The following MAGI2 variants were observed in gnomAD, a reference collection of about 807,000 sequenced individuals.
The protein encoded by MAGI2 is membrane-associated guanylate kinase, WW and PDZ domain-containing protein 2.
A neutral mutation model predicts 133.3 loss-of-function variants in MAGI2; 35 were observed. The observed-to-expected ratio is 0.26, with a 90% CI of 0.20 to 0.35. MAGI2 has a LOEUF of 0.35. Among genes scored for constraint, MAGI2 ranks in the 10% least tolerant of loss-of-function variants. The pLI, the probability that MAGI2 is intolerant of heterozygous loss-of-function variation, is 1.00. For missense variants in MAGI2, 1,636 were observed against 1,863.4 expected (o/e 0.88, Z 2.25); for synonymous variants, 729 against 710.6 (o/e 1.03, Z -0.41).
At chr7:79,442,306 T>C (rs767276670) in intron 1 of MAGI2, among the ~76,000 whole-genome samples, 3 of 152,236 alleles carry the variant, frequency 2.0e-5, no homozygotes, top group African/African-American at 2.4e-5. Context: ...GATGGGTGAC[T>C]ATGCAAGCTT....
intron 2 of MAGI2, among the ~76,000 whole-genome samples, chr7:78,945,096 CCA>C (rs1393046145): frequency 6.6e-6 from 1 of 151,892 alleles, no homozygotes; most frequent in African/African-American, 2.4e-5. Flanking sequence ...GCTGTGTTCC[CCA>C]CACTGGAGTG....
intron 2 of MAGI2, among the ~76,000 whole-genome samples, chr7:78,664,964 A>G (rs1327924343): frequency 3.3e-5 from 5 of 152,108 alleles, no homozygotes; most frequent in African/African-American, 1.2e-4. Context: ...GATATAATAA[A>G]AACCCATGTG....
chr7:79,198,655 C>T (rs530799998), intron 1 of MAGI2, among the ~76,000 whole-genome samples: 1 of 151,976 alleles, frequency 6.6e-6, no homozygotes, highest in South Asian at 2.1e-4. Context: ...TTTGGGAGGC[C>T]GAAGAGGGAG....
At chr7:78,906,895 T>C (rs1798034039) in intron 2 of MAGI2, among the ~76,000 whole-genome samples, 1 of 148,330 alleles carries the variant, frequency 6.7e-6, no homozygotes, top group Non-Finnish European at 1.5e-5. Context: ...ATGGCATTAA[T>C]TGCTTTGCCT....
intron 2 of MAGI2, among the ~76,000 whole-genome samples, chr7:78,644,820 A>T (rs1810676553): frequency 6.6e-6 from 1 of 152,140 alleles, no homozygotes; most frequent in African/African-American, 2.4e-5. Context: ...AAAAAAAATA[A>T]AATCAATAGC....
intron 1 of MAGI2, among the ~76,000 whole-genome samples, chr7:79,088,439 C>T (rs748188362): frequency 1.3e-5 from 2 of 152,036 alleles, no homozygotes; most frequent in Non-Finnish European, 2.9e-5. Flanking sequence ...TCTAAATATA[C>T]AATCATGTCA....
chr7:78,399,680 C>G (rs887582406), intron 6 of MAGI2, among the ~76,000 whole-genome samples: 1 of 151,776 alleles, frequency 6.6e-6, no homozygotes, highest in Non-Finnish European at 1.5e-5. Context: ...TGGCACATGC[C>G]TATAATTCCA....
Position 78,961,093 on chromosome 7 carries a change from C to T in MAGI2, c.418+45997G>A, listed in dbSNP as rs562906733. ...TTAGCTCTTGGAATTAGTTTAATTACAATTCAAAAGAGAGTACTTTAATGT... is the reference window on the plus strand; with the variant it reads ...TTAGCTCTTGGAATTAGTTTAATTATAATTCAAAAGAGAGTACTTTAATGT... On this transcript the variant is annotated intron_variant, in intron 2 of 21. Coordinates refer to ENST00000354212, the MANE Select transcript of MAGI2 (RefSeq NM_012301.4). Among the ~76,000 whole-genome samples the T allele has an allele frequency of 5.3e-5, 8 of 152,196 alleles. No individual in the cohort carries two copies. In the East Asian group the frequency reaches 1.6e-3, roughly 30 times the overall value.
intron 6 of MAGI2, among the ~76,000 whole-genome samples, chr7:78,401,263 C>T (rs1456985414): frequency 6.6e-6 from 1 of 152,070 alleles, no homozygotes; most frequent in Non-Finnish European, 1.5e-5. Context: ...AAGGATTCCC[C>T]AAGCAGTTGG....
At chr7:78,920,884 T>C (rs114481633) in intron 2 of MAGI2, among the ~76,000 whole-genome samples, 9 of 152,298 alleles carry the variant, frequency 5.9e-5, no homozygotes, top group African/African-American at 2.2e-4. Context: ...TGCCACTTGG[T>C]TAACCATTGT....
intron 1 of MAGI2, among the ~76,000 whole-genome samples, chr7:79,056,433 A>C (rs965097891): frequency 6.6e-6 from 1 of 152,204 alleles, no homozygotes; most frequent in Non-Finnish European, 1.5e-5. Flanking sequence ...CTCTGAAAGG[A>C]CCTTAGTCTT....
intron 9 of MAGI2, among the ~76,000 whole-genome samples, chr7:78,259,079 A>T (rs932691311): frequency 4.6e-5 from 7 of 152,130 alleles, no homozygotes; most frequent in African/African-American, 1.7e-4. Context: ...AATGGATGTG[A>T]TCATAGTTTT....
chr7:78,801,758 C>T (rs1248017768), intron 2 of MAGI2, among the ~76,000 whole-genome samples: 2 of 152,106 alleles, frequency 1.3e-5, no homozygotes, highest in East Asian at 1.9e-4. Context: ...CAAGCACTTT[C>T]TGTGTGTCAG....
At chr7:79,156,161 T>C (rs577458175) in intron 1 of MAGI2, among the ~76,000 whole-genome samples, 2 of 152,260 alleles carry the variant, frequency 1.3e-5, no homozygotes, top group Middle Eastern at 3.4e-3. Context: ...AGATGGGTTT[T>C]ATTTAACTCT....
intron 2 of MAGI2, among the ~76,000 whole-genome samples, chr7:78,753,598 G>T (rs1314011987): frequency 6.6e-6 from 1 of 151,964 alleles, no homozygotes; most frequent in Non-Finnish European, 1.5e-5. Flanking sequence ...ACATTTACAG[G>T]TTCCAGTATC....
At chr7:78,642,140 C>A (rs1387112851) in intron 2 of MAGI2, among the ~76,000 whole-genome samples, 1 of 152,028 alleles carries the variant, frequency 6.6e-6, no homozygotes, top group Non-Finnish European at 1.5e-5. Flanking sequence ...TGTAATATCC[C>A]ATGTGTATGT....
At chr7:78,869,164 G>T (rs533885039) in intron 2 of MAGI2, among the ~76,000 whole-genome samples, 1 of 152,174 alleles carries the variant, frequency 6.6e-6, no homozygotes, top group Non-Finnish European at 1.5e-5. Flanking sequence ...CATAGTTAGA[G>T]AATATTTTCT....
rs190320273 is a variant in MAGI2, at chr7:78,957,999, C to T, written c.418+49091G>A. On this transcript the variant is annotated intron_variant, in intron 2 of 21. Transcript: ENST00000354212. Reference sequence around the variant, plus strand: ...TTGATTAAGGCAATACCTGTAAGACCCCTGTTCTTTTGAGTATCTTTTCTC... The same window carrying T: ...TTGATTAAGGCAATACCTGTAAGACTCCTGTTCTTTTGAGTATCTTTTCTC... Among the ~76,000 whole-genome samples, 5 of 152,182 alleles carry T rather than the reference C, an allele frequency of 3.3e-5. No individual in the cohort carries two copies. In the East Asian group the frequency reaches 9.7e-4, roughly 29 times the overall value.
At chr7:79,365,958 A>C (rs2129127779) in intron 1 of MAGI2, among the ~76,000 whole-genome samples, 1 of 152,038 alleles carries the variant, frequency 6.6e-6, no homozygotes, top group African/African-American at 2.4e-5. Context: ...TGAAAAAAAA[A>C]AAAAGTTGGT....
Sources: gnomAD v4.1 joint callset for allele counts (sites outside exome capture counted in the v4.1 genomes callset) on GRCh38, gnomAD v4.1.1 for gene constraint, MANE v1.5 for transcripts, NCBI Gene and HGNC (gene_info 2026-07-23, HGNC 2026-07-21) for gene names.